NEMF: variants seen among roughly 807,000 people sequenced by gnomAD.
The protein encoded by NEMF is ribosome quality control complex subunit NEMF.
NEMF carries 89 observed loss-of-function variants against 162.2 expected under a neutral mutation model. The ratio of observed to expected loss-of-function variants is 0.55; its 90% confidence interval spans 0.46 to 0.65. The LOEUF (loss-of-function observed/expected upper bound fraction) is 0.65. NEMF is among the 30% of genes least tolerant of loss of function. The pLI is 0.00. For missense variants in NEMF, 1,133 were observed against 1,261.9 expected (o/e 0.90, Z 1.55); for synonymous variants, 421 against 404.5 (o/e 1.04, Z -0.49).
chr14:49,806,135 T>C lies in NEMF; in HGVS notation c.1745-2A>G, dbSNP rs1288890358. 2 of 1,604,502 alleles carry C rather than the reference T, an allele frequency of 1.2e-6. No individual in the cohort carries two copies. Among genetic ancestry groups the C allele is most frequent in the East Asian group, 2.2e-5 (1 of 44,560 alleles). ...AGGTCCGTGGGGGGATGGGTTCTCCTAGAATAACAATGCATAATGTTTCAA... is the reference window on the plus strand; with the variant it reads ...AGGTCCGTGGGGGGATGGGTTCTCCCAGAATAACAATGCATAATGTTTCAA... On this transcript the variant is annotated splice_acceptor_variant, in intron 18 of 32. Coordinates refer to ENST00000298310, the MANE Select transcript of NEMF (RefSeq NM_004713.6). LOFTEE classifies it high-confidence loss of function.
At chr14:49,796,230 C>G (rs1890685591) in intron 25 of NEMF, 2 of 507,730 alleles carry the variant, frequency 3.9e-6, no homozygotes, top group Non-Finnish European at 7.7e-6. Context: ...TGCCCCTGAT[C>G]ACCTTGATGG....
chr14:49,814,098 T>A (rs1447216668), intron 17 of NEMF, 48 bp from the exon 18 acceptor site: 3 of 1,112,174 alleles, frequency 2.7e-6, no homozygotes, highest in South Asian at 2.7e-5. Flanking sequence ...CTAATTATTC[T>A]TTTTTCCTTT....
chr14:49,851,765 CTTAA>C, intron 2 of NEMF, 38 bp downstream of exon 2: 2 of 1,462,372 alleles, frequency 1.4e-6, no homozygotes, highest in African/African-American at 1.4e-5. Context: ...TAATCTCATA[CTTAA>C]TTGTCAAAGA....
intron 3 of NEMF, among the ~76,000 whole-genome samples, chr14:49,847,202 T>TA (rs1030881932): frequency 1.5e-4 from 23 of 151,260 alleles, no homozygotes; most frequent in African/African-American, 5.6e-4. Context: ...CTTATTTATT[T>TA]ATTTATTTAT....
intron 22 of NEMF, chr14:49,801,280 G>C (rs1163144556): frequency 6.6e-6 from 1 of 152,486 alleles, no homozygotes; most frequent in Non-Finnish European, 1.5e-5. Flanking sequence ...ACAAGGTCAG[G>C]AGTACAAGAC....
intron 15 of NEMF, among the ~76,000 whole-genome samples, chr14:49,826,365 T>A (rs1566687420): frequency 6.6e-6 from 1 of 151,984 alleles, no homozygotes; most frequent in Non-Finnish European, 1.5e-5. Flanking sequence ...TATAATCCTT[T>A]AAATAAATAT....
At chr14:49,790,786 TC>T (rs1890403947) in intron 26 of NEMF, among the ~76,000 whole-genome samples, 1 of 151,892 alleles carries the variant, frequency 6.6e-6, no homozygotes, top group Non-Finnish European at 1.5e-5. Context: ...GGTCAGGAGT[TC>T]AAGACCAGCC....
At chr14:49,842,497 C>T (rs964230152) in intron 4 of NEMF, among the ~76,000 whole-genome samples, 3 of 152,166 alleles carry the variant, frequency 2.0e-5, no homozygotes, top group African/African-American at 7.2e-5. Flanking sequence ...CAGTGAAGAT[C>T]AGAGTTACTC....
chr14:49,821,575 C>T (rs1402543492), intron 16 of NEMF, among the ~76,000 whole-genome samples: 4 of 83,412 alleles, frequency 4.8e-5, no homozygotes, highest in East Asian at 3.8e-4. Context: ...CCGCCCCGTC[C>T]GGGAGGGAGG....
In NEMF at chr14:49,782,648, C is replaced by CT. The variant is rs1413227530; in HGVS notation, c.*1987dup. On this transcript the variant is annotated 3_prime_UTR_variant, in exon 33 of 33. Coordinates refer to ENST00000298310, the MANE Select transcript of NEMF (RefSeq NM_004713.6). ...TTATTTAAAATTGTGTTTCCTAAGA[C>CT]TTAGCACTCTCGAAAAACTAGGTTT... 35 of 1,459,714 alleles carry CT rather than the reference C, an allele frequency of 2.4e-5. No individual in the cohort carries two copies. Among genetic ancestry groups the CT allele is most frequent in the Non-Finnish European group, 3.1e-5 (33 of 1,067,186 alleles). The allele number at this position is 1,459,714 out of a possible 1,614,324, so 90.4% of individuals were successfully genotyped here. A position where few individuals can be genotyped will look rare whatever the true frequency, so the allele number is the denominator to read the frequency against.
chr14:49,811,089 A>C (rs1374930904), intron 18 of NEMF, among the ~76,000 whole-genome samples: 2 of 152,222 alleles, frequency 1.3e-5, no homozygotes, highest in Admixed American at 1.3e-4. Context: ...CTTCCAATAC[A>C]TATACATGGG....
chr14:49,789,308 C>T lies in NEMF; in HGVS notation c.2733G>A (p.Lys911=), dbSNP rs754527404. ...AGSNKEEKGK[K]GKKGKTKDEP... Reference sequence around the variant, plus strand: ...CGTCCTTTGTTTTTCCTTTCTTCCCCTTCTTCCCTTTTTCTTCTTTGTTTG... The same window carrying T: ...CGTCCTTTGTTTTTCCTTTCTTCCCTTTCTTCCCTTTTTCTTCTTTGTTTG... The change falls in exon 28 of 33, where the codon AAG becomes AAA. Residue 911 remains lysine (K), a synonymous_variant. Transcript: ENST00000298310. 6 of 1,614,004 alleles carry T rather than the reference C, an allele frequency of 3.7e-6. No individual in the cohort carries two copies. The highest frequency in any genetic ancestry group is 3.3e-5 in the Admixed American group (2 of 59,998).
chr14:49,806,230 G>GTGTGTATGTA, intron 18 of NEMF, 97 bp from the exon 19 acceptor site: 1 of 104,214 alleles, frequency 9.6e-6, no homozygotes, highest in South Asian at 6.0e-5. Context: ...TCAATGATAT[G>GTGTGTATGTA]TGTATATATA....
In NEMF at chr14:49,782,523, C is replaced by G. The variant is rs778561811; in HGVS notation, c.*2113G>C. 4 of 1,602,446 alleles carry G rather than the reference C, an allele frequency of 2.5e-6. No individual in the cohort carries two copies. Among genetic ancestry groups the G allele is most frequent in the South Asian group, 2.2e-5 (2 of 89,962 alleles). On this transcript the variant is annotated 3_prime_UTR_variant, in exon 33 of 33. Coordinates refer to ENST00000298310, the MANE Select transcript of NEMF (RefSeq NM_004713.6). ...CAAAGCATTTGCTTTTAAATGTGTT[C>G]TTCCTATTTATTTTTCAGGCACACA...
Position 49,846,250 on chromosome 14 carries a change from T to G in NEMF, c.247A>C (p.Lys83Gln). The G allele has an allele frequency of 6.2e-7, 1 of 1,611,486 alleles. No individual in the cohort carries two copies. Among genetic ancestry groups the G allele is most frequent in the Non-Finnish European group, 8.5e-7 (1 of 1,179,480 alleles). Residue 83 changes from lysine (K) to glutamine (Q), a missense_variant, in exon 4 of 33, where the codon AAG (lysine) becomes CAG (glutamine). This residue lies in a region of NEMF where 582 missense variants were observed against 631.5 expected (regional missense o/e 0.92). Coordinates refer to ENST00000298310, the MANE Select transcript of NEMF (RefSeq NM_004713.6). ...SFAMKCRKHL[K>Q]SRRLVSAKQL... ...TTTGCACTGACTAATCTCCGACTCT[T>G]CAAATGTTTTCGGCACTAGCAAGAG...
chr14:49,790,799 G>A (rs1226504218), intron 26 of NEMF, among the ~76,000 whole-genome samples: 1 of 152,130 alleles, frequency 6.6e-6, no homozygotes, highest in Non-Finnish European at 1.5e-5. Context: ...AGACCAGCCT[G>A]ACCAACATGG....
chr14:49,820,900 G>A (rs934097276), intron 16 of NEMF, among the ~76,000 whole-genome samples: 8 of 152,200 alleles, frequency 5.3e-5, no homozygotes, highest in South Asian at 2.1e-4. Context: ...GATTGCAGAC[G>A]GAGTCTCGTT....
intron 6 of NEMF, among the ~76,000 whole-genome samples, chr14:49,835,663 G>C (rs1892861826): frequency 6.6e-6 from 1 of 152,158 alleles, no homozygotes; most frequent in African/African-American, 2.4e-5. Flanking sequence ...GCTATAGCTA[G>C]CACAATAAGG....
intron 18 of NEMF, among the ~76,000 whole-genome samples, chr14:49,812,557 G>A (rs896566065): frequency 6.6e-6 from 1 of 151,748 alleles, no homozygotes; most frequent in Non-Finnish European, 1.5e-5. Flanking sequence ...ACCCCCTAAG[G>A]GCTGCTCTTC....
Sources: gnomAD v4.1 joint callset for allele counts (sites outside exome capture counted in the v4.1 genomes callset) on GRCh38, gnomAD v4.1.1 for gene constraint, gnomAD v4.1.1 regional missense constraint, MANE v1.5 for transcripts, NCBI Gene and HGNC (gene_info 2026-07-23, HGNC 2026-07-21) for gene names.